The following JAG1 variants were observed in gnomAD, a reference collection of about 807,000 sequenced individuals.
JAG1 encodes protein jagged-1.
A neutral mutation model predicts 148.7 loss-of-function variants in JAG1; 23 were observed. That is an observed-to-expected ratio of 0.15 (90% CI 0.11 to 0.22). The LOEUF (loss-of-function observed/expected upper bound fraction) is 0.22. Ranked by LOEUF, JAG1 falls within the 10% of genes least tolerant of loss-of-function variation. The pLI is 1.00. For missense variants in JAG1, 1,054 were observed against 1,611.2 expected (o/e 0.65, Z 5.92); for synonymous variants, 572 against 598.3 (o/e 0.96, Z 0.64).
intron 2 of JAG1, 76 bp from the exon 3 acceptor site, chr20:10,664,090 C>A: frequency 1.8e-6 from 2 of 1,109,638 alleles, no homozygotes; most frequent in South Asian, 1.2e-5. Context: ...CTTGGCCTCC[C>A]AGAATACCCC....
At chr20:10,650,217 T>C (rs1043327251) in intron 9 of JAG1, 30 bp downstream of exon 9, 7 of 1,448,236 alleles carry the variant, frequency 4.8e-6, no homozygotes. Context: ...AACCTTGGTA[T>C]AAAAATTACA....
Position 10,659,559 on chromosome 20 carries a change from CTTTTT to C in JAG1, c.440-842_440-838del, listed in dbSNP as rs35826283. ...GGAAGCCAAGGAGACGATTAAGTTACTTTTTTTTTTTTTTTTTTTTTTTTTTTTAC... is the reference window on the plus strand; with the variant it reads ...GGAAGCCAAGGAGACGATTAAGTTACTTTTTTTTTTTTTTTTTTTTTTTAC... On this transcript the variant is annotated intron_variant, in intron 3 of 25. Coordinates refer to ENST00000254958, the MANE Select transcript of JAG1 (RefSeq NM_000214.3). 2.5e-3 allele frequency among the ~76,000 whole-genome samples: 268 copies of C among 105,156 alleles called. 16 individuals are homozygous for C. In the East Asian group the frequency reaches 0.043, roughly 17 times the overall value. The allele number at this position is 105,156 out of a possible 152,430, so 69.0% of individuals were successfully genotyped here.
chr20:10,665,396 C>T (rs987625208), intron 2 of JAG1, among the ~76,000 whole-genome samples: 1 of 152,168 alleles, frequency 6.6e-6, no homozygotes, highest in Non-Finnish European at 1.5e-5. Context: ...CTCAGAAAAG[C>T]AAGCAAAACC....
At chr20:10,654,774 T>C (rs2067368007) in intron 5 of JAG1, among the ~76,000 whole-genome samples, 5 of 151,638 alleles carry the variant, frequency 3.3e-5, no homozygotes, top group Admixed American at 3.3e-4. Context: ...GAGAGGGAGG[T>C]GGGACTTCGA....
In JAG1 at chr20:10,646,499, C is replaced by A. The variant is rs1313648141; in HGVS notation, c.1886-415G>T. On this transcript the variant is annotated intron_variant, in intron 14 of 25. Transcript: ENST00000254958. Reference sequence around the variant, plus strand: ...ACCAGTCTCCCCAGCCTTACTGTTTCTGATTAAAACAATTTCAACACTGCT... The same window carrying A: ...ACCAGTCTCCCCAGCCTTACTGTTTATGATTAAAACAATTTCAACACTGCT... The A allele has an allele frequency of 1.7e-5, 6 of 356,450 alleles. No individual in the cohort carries two copies. The East Asian group carries it at 4.3e-4, about 26-fold the overall frequency. 22.1% of individuals were successfully genotyped at this position (356,450 alleles called of 1,614,324 possible).
At chr20:10,651,500 A>G (rs1037855343) in intron 8 of JAG1, 81 bp downstream of exon 8, 12 of 904,808 alleles carry the variant, frequency 1.3e-5, no homozygotes, top group African/African-American at 8.2e-5. Context: ...TTCACACTGG[A>G]CAAGCCTAGG....
chr20:10,644,276 TCACACACACACACACACACACA>T (rs33967297), intron 19 of JAG1, 59 bp downstream of exon 19: 9 of 884,288 alleles, frequency 1.0e-5, no homozygotes, highest in South Asian at 1.0e-4. Flanking sequence ...TGGGTGATTC[TCACACACACACACACACACACA>T]CACACACACA....
chr20:10,658,441 C>T (rs1372902694), intron 4 of JAG1, 27 bp downstream of exon 4: 5 of 1,612,434 alleles, frequency 3.1e-6, no homozygotes, highest in Admixed American at 1.7e-5. Flanking sequence ...AACAGGCACA[C>T]GTGCACATGC....
rs538048082 is a variant in JAG1, at chr20:10,651,591, T to C, written c.1110A>G (p.Thr370=). 9.9e-6 allele frequency: 16 copies of C among 1,610,632 alleles called. No homozygotes were observed. Among genetic ancestry groups the C allele is most frequent in the Admixed American group, 8.3e-5 (5 of 59,946 alleles). ...CECSPGWTGP[T]CSTNIDDCSP... is the part of the protein sequence containing the mutation. The stretch of plus-strand genomic sequence containing the variant: ...GAAAATTGGACTTACTTGTAGAGCA[T>C]GTGGGGCCGGTCCAGCCTGGGGAAC... Residue 370 remains threonine (T), a synonymous_variant, in exon 8 of 26, where the codon ACA becomes ACG. Transcript: ENST00000254958.
intron 5 of JAG1, among the ~76,000 whole-genome samples, chr20:10,653,469 T>C (rs2067359364): frequency 6.6e-6 from 1 of 150,816 alleles, no homozygotes; most frequent in Admixed American, 6.6e-5. Flanking sequence ...CACTCTCCCT[T>C]GAATTTTCAA....
rs375828385 is a variant in JAG1, at chr20:10,649,676, C to T, written c.1235-41G>A. On this transcript the variant is annotated intron_variant, in intron 9 of 25. Coordinates refer to ENST00000254958, the MANE Select transcript of JAG1 (RefSeq NM_000214.3). ...GATGAGCATGAGAAATGAAGTTCAA[C>T]CCCCATCTCCCCCACCTTGGAAAAA... 2.1e-5 allele frequency: 23 copies of T among 1,092,586 alleles called. No individual in the cohort carries two copies. In the African/African-American group the frequency reaches 3.4e-4, roughly 16 times the overall value. 67.7% of individuals were successfully genotyped at this position (1,092,586 alleles called of 1,614,324 possible).
intron 6 of JAG1, 24 bp downstream of exon 6, chr20:10,652,444 G>C (rs757295241): frequency 6.2e-7 from 1 of 1,613,404 alleles, no homozygotes; most frequent in Non-Finnish European, 8.5e-7. Flanking sequence ...ATCCCACCCT[G>C]GGTCTCATCC....
At chr20:10,642,731 C>A (rs1374048787) in intron 20 of JAG1, 130 bp from the exon 21 acceptor site, 4 of 711,362 alleles carry the variant, frequency 5.6e-6, no homozygotes, top group Non-Finnish European at 1.0e-5. Context: ...AGGTAAGCAG[C>A]ATCCAAAAGA....
In JAG1 at chr20:10,647,118, T is replaced by G; in HGVS notation, c.1721-15A>C. ...GCTGTCAATCACTAGAAGATAGGCTTGGGATCAGATCACAGCCATGCACCC... is the reference window on the plus strand; with the variant it reads ...GCTGTCAATCACTAGAAGATAGGCTGGGGATCAGATCACAGCCATGCACCC... On this transcript the variant is annotated splice_polypyrimidine_tract_variant and intron_variant, in intron 13 of 25. Transcript: ENST00000254958. 1.2e-6 allele frequency: 2 copies of G among 1,614,176 alleles called. No homozygotes were observed. Among genetic ancestry groups the G allele is most frequent in the Non-Finnish European group, 1.7e-6 (2 of 1,179,982 alleles).
rs1413360004 is a variant in JAG1 at position 10,639,633 on chromosome 20, C to T, written c.3522G>A (p.Pro1174=). The T allele has an allele frequency of 1.5e-5, 25 of 1,614,182 alleles. No homozygotes were observed. The highest frequency in any genetic ancestry group is 1.6e-4 in the Middle Eastern group (1 of 6,062). The change falls in exon 26 of 26, where the codon CCG becomes CCA. Residue 1174 remains proline, a synonymous_variant. Coordinates refer to ENST00000254958, the MANE Select transcript of JAG1 (RefSeq NM_000214.3). ...CTTCTCTGTCTACCAGCGTGTACGC[C>T]GGCTGCTTGGCAAACCGGGCTTTCT... The part of the protein sequence containing the change: ...HQQKARFAKQ[P]AYTLVDREEK...
In JAG1 at chr20:10,639,706, C is replaced by T. The variant is rs1179245808; in HGVS notation, c.3449G>A (p.Arg1150Lys). Reference protein sequence around the residue: ...ENKNSKMSKIRTHNSEVEEDD... With the variant: ...ENKNSKMSKIKTHNSEVEEDD... ...CTCTTCTACTTCAGAATTGTGTGTC[C>T]TTATTTTAGACATTTTGGAGTTCTT... Residue 1150 changes from arginine to lysine, a missense_variant, in exon 26 of 26, where the codon AGG (arginine) becomes AAG (lysine). Physicochemically the swap from Arg to Lys is conservative, Grantham distance 26. This residue lies in a region of JAG1 where 177 missense variants were observed against 177.3 expected (regional missense o/e 1.00). Transcript: ENST00000254958. 8.1e-6 allele frequency: 13 copies of T among 1,614,024 alleles called. No individual in the cohort carries two copies. Among genetic ancestry groups the T allele is most frequent in the Non-Finnish European group, 1.1e-5 (13 of 1,180,032 alleles).
At chr20:10,648,791 AGCGGTTTAGCATGACTGTT>A in intron 11 of JAG1, 69 bp from the exon 12 acceptor site, 2 of 1,462,068 alleles carry the variant, frequency 1.4e-6, no homozygotes, top group East Asian at 4.6e-5. Context: ...ACAGGGCTTC[AGCGGTTTAGCATGACTGTT>A]GCGGTTTAGC....
chr20:10,661,974 G>A (rs970379839), intron 3 of JAG1, among the ~76,000 whole-genome samples: 1 of 152,184 alleles, frequency 6.6e-6, no homozygotes, highest in Non-Finnish European at 1.5e-5. Flanking sequence ...ATCGGTGCCA[G>A]ACACCCAGAA....
chr20:10,669,969 C>G (rs543673235), intron 2 of JAG1, among the ~76,000 whole-genome samples: 1 of 152,226 alleles, frequency 6.6e-6, no homozygotes, highest in Non-Finnish European at 1.5e-5. Context: ...ATAGTTGCTG[C>G]AAGTTAAGCC....
Sources: allele counts gnomAD v4.1 joint callset (sites outside exome capture counted in the v4.1 genomes callset), GRCh38; gene constraint gnomAD v4.1.1; regional missense constraint gnomAD v4.1.1; transcripts MANE v1.5; gene names NCBI Gene and HGNC (gene_info 2026-07-23, HGNC 2026-07-21).